Variants in COBL observed in about 807,000 individuals in gnomAD.
COBL encodes the protein protein cordon-bleu.
COBL carries 51 observed loss-of-function variants against 98.8 expected under a neutral mutation model. The observed-to-expected ratio is 0.52, with a 90% confidence interval of 0.41 to 0.65. COBL has a LOEUF of 0.65. Among genes scored for constraint, COBL ranks in the 30% least tolerant of loss-of-function variants. The pLI is 0.00. For missense variants in COBL, 1,617 were observed against 1,617.5 expected (o/e 1.00, Z 0.01); for synonymous variants, 634 against 651.7 (o/e 0.97, Z 0.41).
intron 1 of COBL, among the ~76,000 whole-genome samples, chr7:51,295,266 A>G (rs1801316131): frequency 6.9e-6 from 1 of 144,190 alleles, no homozygotes; most frequent in Non-Finnish European, 1.5e-5. Context: ...AGCCTGGGTG[A>G]CAGGGCAAGA....
Position 51,083,372 on chromosome 7 carries a change from C to A in COBL, c.1096+1794G>T. On this transcript the variant is annotated intron_variant, in intron 7 of 12. Coordinates refer to ENST00000265136, the MANE Select transcript of COBL (RefSeq NM_015198.5). The stretch of plus-strand genomic sequence containing the variant: ...CACCTAACACCAGATCCAGTCATAT[C>A]CAGCACCTAATCCATTCTCATCTGG... 2 of 596,168 alleles carry A rather than the reference C, an allele frequency of 3.4e-6. 1 individual carries two copies. The highest frequency in any genetic ancestry group is 4.5e-5 in the South Asian group (2 of 44,046). 36.9% of individuals were successfully genotyped at this position (596,168 alleles called of 1,614,324 possible).
chr7:51,133,927 T>C (rs770606051), intron 6 of COBL, among the ~76,000 whole-genome samples: 1 of 152,348 alleles, frequency 6.6e-6, no homozygotes. Context: ...GAAGCAAATA[T>C]TGAATTTTTT....
chr7:51,135,074 T>C (rs1799108764), intron 6 of COBL, among the ~76,000 whole-genome samples: 1 of 152,164 alleles, frequency 6.6e-6, no homozygotes, highest in Non-Finnish European at 1.5e-5. Context: ...GCAATTCTCC[T>C]GCCTCAGCCT....
chr7:51,132,530 G>C (rs147876777), intron 6 of COBL, among the ~76,000 whole-genome samples: 8 of 152,294 alleles, frequency 5.3e-5, no homozygotes, highest in Admixed American at 1.3e-4. Flanking sequence ...CTTAATCCTG[G>C]CTCAAGAGCA....
intron 5 of COBL, among the ~76,000 whole-genome samples, chr7:51,176,987 T>A (rs1347108472): frequency 2.6e-5 from 4 of 152,208 alleles, no homozygotes; most frequent in Admixed American, 6.5e-5. Flanking sequence ...GTTGGTAAAA[T>A]AAAATAGAAA....
intron 2 of COBL, among the ~76,000 whole-genome samples, chr7:51,204,755 T>A (rs376578731): frequency 9.2e-5 from 14 of 152,086 alleles, no homozygotes; most frequent in African/African-American, 3.4e-4. Flanking sequence ...TTCACCATGT[T>A]GGCCAGGATG....
intron 7 of COBL, among the ~76,000 whole-genome samples, chr7:51,047,617 A>G (rs1285029054): frequency 6.6e-6 from 1 of 152,216 alleles, no homozygotes; most frequent in African/African-American, 2.4e-5. Context: ...TCATTAAGAA[A>G]GAGGATTTCT....
intron 5 of COBL, among the ~76,000 whole-genome samples, chr7:51,178,787 T>G (rs897804006): frequency 6.6e-6 from 1 of 152,168 alleles, no homozygotes; most frequent in Non-Finnish European, 1.5e-5. Flanking sequence ...TTTTGTATTT[T>G]TAGTAGAGAC....
At chr7:51,259,369 C>T (rs1484080958) in intron 1 of COBL, 4 of 315,470 alleles carry the variant, frequency 1.3e-5, no homozygotes, top group African/African-American at 4.3e-5. Flanking sequence ...TTTTAAGTGG[C>T]AAGGCATGAC....
chr7:51,175,374 T>G (rs185108028), intron 5 of COBL, among the ~76,000 whole-genome samples: 10 of 152,330 alleles, frequency 6.6e-5, no homozygotes, highest in African/African-American at 2.2e-4. Context: ...ATTTGAGAAT[T>G]TTTTTAGAGA....
intron 1 of COBL, among the ~76,000 whole-genome samples, chr7:51,270,878 T>C (rs1798693081): frequency 1.3e-5 from 2 of 152,158 alleles, no homozygotes; most frequent in South Asian, 4.2e-4. Context: ...AATTTGCAAG[T>C]ATGTATGTTT....
chr7:51,191,532 T>C (rs1194452820), intron 3 of COBL, among the ~76,000 whole-genome samples: 1 of 150,556 alleles, frequency 6.6e-6, no homozygotes, highest in African/African-American at 2.4e-5. Context: ...AATATCTATA[T>C]ATGTACATAG....
chr7:51,182,385 G>T (rs1014105200), intron 5 of COBL, among the ~76,000 whole-genome samples: 5 of 151,688 alleles, frequency 3.3e-5, no homozygotes, highest in African/African-American at 1.2e-4. Context: ...GGATTCAAGC[G>T]ATTCTCCTGC....
intron 6 of COBL, among the ~76,000 whole-genome samples, chr7:51,130,613 G>A (rs1014232367): frequency 4.5e-4 from 68 of 152,326 alleles, no homozygotes; most frequent in African/African-American, 1.5e-3. Flanking sequence ...GTGGTCTGCA[G>A]CCCAGCTCTC....
rs201864736 is a variant in COBL, at chr7:51,306,184, G to C, written c.41+10409C>G. On this transcript the variant is annotated intron_variant, in intron 1 of 12. Transcript: ENST00000265136. ...GCACCATGAACCTAGAGGCGGCTTGGAAGTGCCACACACCAGGGCTATTTT... is the reference window on the plus strand; with the variant it reads ...GCACCATGAACCTAGAGGCGGCTTGCAAGTGCCACACACCAGGGCTATTTT... Among the ~76,000 whole-genome samples, 104 of 152,270 alleles carry C rather than the reference G, an allele frequency of 6.8e-4. 1 individual carries two copies. The highest frequency in any genetic ancestry group is 2.4e-3 in the African/African-American group (98 of 41,552).
chr7:51,096,054 T>C (rs1001355595), intron 6 of COBL, among the ~76,000 whole-genome samples: 5 of 152,198 alleles, frequency 3.3e-5, no homozygotes, highest in African/African-American at 1.2e-4. Context: ...TACCTATCTC[T>C]GTCTCTTTCT....
At chr7:51,032,842 G>A (rs1788289179) in intron 8 of COBL, 1 of 152,088 alleles carries the variant, frequency 6.6e-6, no homozygotes. Flanking sequence ...ATATGGCAGA[G>A]AAAAATGGAA....
chr7:51,250,218 G>A (rs1444351303), intron 1 of COBL, among the ~76,000 whole-genome samples: 7 of 151,972 alleles, frequency 4.6e-5, no homozygotes, highest in African/African-American at 9.7e-5. Context: ...TGTCCACCCC[G>A]CACCAAACAG....
chr7:51,316,372 C>T (rs911809596), intron 1 of COBL: 4 of 329,814 alleles, frequency 1.2e-5, no homozygotes, highest in Middle Eastern at 8.3e-4. Flanking sequence ...CGGCCCGACA[C>T]GGTTACCTGG....
Sources: gnomAD v4.1 joint callset for allele counts (sites outside exome capture counted in the v4.1 genomes callset) on GRCh38, gnomAD v4.1.1 for gene constraint, MANE v1.5 for transcripts, NCBI Gene and HGNC (gene_info 2026-07-23, HGNC 2026-07-21) for gene names.